PRDM16: variants seen among roughly 807,000 people sequenced by gnomAD.
The protein encoded by PRDM16 is PR/SET domain 16, also known as histone-lysine N-methyltransferase PRDM16.
PRDM16 carries 23 observed loss-of-function variants against 110.6 expected under a neutral mutation model. That is an observed-to-expected ratio of 0.21 (90% CI 0.15 to 0.29). PRDM16 has a LOEUF of 0.29. Among genes scored for constraint, PRDM16 ranks in the 10% least tolerant of loss-of-function variants. The pLI is 1.00. For synonymous variants in PRDM16, 799 were observed against 781.8 expected (o/e 1.02, Z -0.37); for missense variants, 1,615 against 1,794.3 (o/e 0.90, Z 1.81).
chr1:3,153,464 G>A (rs1257986198), intron 1 of PRDM16, among the ~76,000 whole-genome samples: 1 of 152,240 alleles, frequency 6.6e-6, no homozygotes, highest in Non-Finnish European at 1.5e-5. Flanking sequence ...AGGAAGAGAA[G>A]CTCCCCACAG....
intron 2 of PRDM16, among the ~76,000 whole-genome samples, chr1:3,189,628 A>T (rs1045114818): frequency 6.6e-6 from 1 of 152,270 alleles, no homozygotes; most frequent in African/African-American, 2.4e-5. Flanking sequence ...ACTGAAAAAG[A>T]ACAAGTAAAG....
intron 3 of PRDM16, among the ~76,000 whole-genome samples, chr1:3,283,959 C>T (rs1011775568): frequency 6.6e-6 from 1 of 152,204 alleles, no homozygotes. Flanking sequence ...GTCCAGGAGA[C>T]GCAGGCACAT....
At chr1:3,379,238 A>C (rs1399779007) in intron 3 of PRDM16, among the ~76,000 whole-genome samples, 3 of 38,674 alleles carry the variant, frequency 7.8e-5, no homozygotes, top group Admixed American at 3.2e-4. Flanking sequence ...CAACACACTC[A>C]TCCCAACACA....
chr1:3,225,195 A>C (rs947825884), intron 2 of PRDM16, among the ~76,000 whole-genome samples: 1 of 152,220 alleles, frequency 6.6e-6, no homozygotes, highest in Non-Finnish European at 1.5e-5. Context: ...TGGACACAAA[A>C]TAGCTCTTTA....
intron 3 of PRDM16, among the ~76,000 whole-genome samples, chr1:3,328,027 G>C (rs987367608): frequency 2.6e-5 from 4 of 152,230 alleles, no homozygotes; most frequent in Non-Finnish European, 5.9e-5. Flanking sequence ...CTGGGGACCG[G>C]AATCCCCCAC....
chr1:3,406,913 A>G (rs2493304), intron 8 of PRDM16, among the ~76,000 whole-genome samples: 33,934 of 152,130 alleles, frequency 0.22, 6,674 homozygotes, highest in African/African-American at 0.53. Flanking sequence ...ATTCTTACAC[A>G]GCATCCTTAC....
Position 3,081,004 on chromosome 1 carries a change from C to A in PRDM16, c.37+11708C>A, listed in dbSNP as rs1422183897. Among the ~76,000 whole-genome samples, 1 of 151,500 alleles carries A rather than the reference C, an allele frequency of 6.6e-6. No homozygotes were observed. Among genetic ancestry groups the A allele is most frequent in the African/African-American group, 2.4e-5 (1 of 41,094 alleles). On this transcript the variant is annotated intron_variant, in intron 1 of 16. Transcript: ENST00000270722. This position sits in a 1 kb window ranked among gnomAD's most constrained non-coding sequence, Gnocchi z 4.6. ...GCCGAGTGTCCTCATGAACAAAAGG[C>A]CTAAAAAAAAGCAGAGAGTAAGGGA...
chr1:3,383,714 G>A (rs12750793), intron 3 of PRDM16, among the ~76,000 whole-genome samples: 17,380 of 152,080 alleles, frequency 0.11, 1,030 homozygotes, highest in Non-Finnish European at 0.14. Context: ...CATCTGAGGT[G>A]CCCAGAGTCA....
At chr1:3,403,266 G>T (rs1643505247) in intron 6 of PRDM16, among the ~76,000 whole-genome samples, 1 of 152,246 alleles carries the variant, frequency 6.6e-6, no homozygotes, top group Non-Finnish European at 1.5e-5. Context: ...CCTGGCCCCA[G>T]AAAGCCACCT....
At chr1:3,115,563 T>C (rs983502197) in intron 1 of PRDM16, among the ~76,000 whole-genome samples, 6 of 152,196 alleles carry the variant, frequency 3.9e-5, no homozygotes, top group Non-Finnish European at 7.3e-5. Context: ...CCCCCCATAG[T>C]CTGTGCACAC....
intron 3 of PRDM16, among the ~76,000 whole-genome samples, chr1:3,324,731 G>T (rs1445404949): frequency 1.3e-5 from 2 of 149,488 alleles, no homozygotes; most frequent in Admixed American, 1.3e-4. Flanking sequence ...CCCTGATTCC[G>T]TCGTCACCCC....
rs1051225950 is a variant in PRDM16 at position 3,246,495 on chromosome 1, G to T, written c.438+2358G>T. Among the ~76,000 whole-genome samples, 2 of 152,202 alleles carry T rather than the reference G, an allele frequency of 1.3e-5. No individual in the cohort carries two copies. Among genetic ancestry groups the T allele is most frequent in the Non-Finnish European group, 2.9e-5 (2 of 68,030 alleles). ...CCAGCATCGGGGGCGTTGGTGGGCG[G>T]TCCTGTCCAAGCAGGCCTCCTGACC... On this transcript the variant is annotated intron_variant, in intron 3 of 16. Coordinates refer to ENST00000270722, the MANE Select transcript of PRDM16 (RefSeq NM_022114.4). The surrounding 1 kb of genome is among the most constrained non-coding windows in gnomAD (Gnocchi z 5.2).
intron 2 of PRDM16, among the ~76,000 whole-genome samples, chr1:3,200,204 G>A (rs1295636420): frequency 7.1e-6 from 1 of 141,088 alleles, no homozygotes; most frequent in Non-Finnish European, 1.6e-5. Flanking sequence ...TCAAGGGCCT[G>A]GGGAGAGGGG....
intron 5 of PRDM16, among the ~76,000 whole-genome samples, chr1:3,397,625 C>T (rs959762015): frequency 6.6e-6 from 1 of 152,262 alleles, no homozygotes; most frequent in Non-Finnish European, 1.5e-5. Flanking sequence ...TGAACAGGAA[C>T]GCAAGCTCCC....
intron 1 of PRDM16, among the ~76,000 whole-genome samples, chr1:3,099,035 A>G (rs1642472404): frequency 1.3e-5 from 2 of 152,172 alleles, no homozygotes; most frequent in Admixed American, 1.3e-4. Context: ...CCACTCCATC[A>G]AGCCCCATCG....
At chr1:3,388,057 G>A (rs140378682) in intron 4 of PRDM16, among the ~76,000 whole-genome samples, 3 of 152,314 alleles carry the variant, frequency 2.0e-5, no homozygotes, top group Admixed American at 1.3e-4. Flanking sequence ...GACCCTATGC[G>A]GAGCTAAAAT....
At position 3,209,383 on chromosome 1, in the gene PRDM16, C is replaced by T. The variant is rs1174711974; in HGVS notation, c.387+22909C>T. 1.3e-5 allele frequency among the ~76,000 whole-genome samples: 2 copies of T among 152,166 alleles called. No homozygotes were observed. The highest frequency in any genetic ancestry group is 2.9e-5 in the Non-Finnish European group (2 of 68,032). On this transcript the variant is annotated intron_variant, in intron 2 of 16. Transcript: ENST00000270722. This position sits in a 1 kb window ranked among gnomAD's most constrained non-coding sequence, Gnocchi z 4.6. ...CCGGTCCCGACTGGCACACCTGCCC[C>T]GAGTCACCTGGGACGGACTGCAGCC...
intron 1 of PRDM16, among the ~76,000 whole-genome samples, chr1:3,176,577 T>C (rs1644092688): frequency 1.3e-5 from 2 of 149,492 alleles, no homozygotes. Context: ...CATTTATCCA[T>C]TCTTCCTTCC....
At chr1:3,349,327 A>G (rs1642431037) in intron 3 of PRDM16, among the ~76,000 whole-genome samples, 1 of 152,094 alleles carries the variant, frequency 6.6e-6, no homozygotes, top group South Asian at 2.1e-4. Flanking sequence ...GTGAGTGATA[A>G]AAGGGGCTTT....
Sources: gnomAD v4.1 joint callset for allele counts (sites outside exome capture counted in the v4.1 genomes callset) on GRCh38, gnomAD v4.1.1 for gene constraint, Gnocchi (gnomAD v3.1) non-coding constraint, MANE v1.5 for transcripts, NCBI Gene and HGNC (gene_info 2026-07-23, HGNC 2026-07-21) for gene names.